RNF216: variants seen among roughly 807,000 people sequenced by gnomAD.
RNF216 encodes ring finger protein 216.
In RNF216, 72 loss-of-function variants were observed where a neutral mutation model predicts 110.8. That is an observed-to-expected ratio of 0.65 (90% confidence interval 0.54 to 0.79). The LOEUF is 0.79. Among genes scored for constraint, RNF216 ranks in the 30% least tolerant of loss-of-function variants. RNF216 has a pLI of 0.00. For synonymous variants in RNF216, 495 were observed against 407.5 expected (o/e 1.21, Z -2.59); for missense variants, 1,342 against 1,141.2 (o/e 1.18, Z -2.54).
chr7:5,760,377 G>A (rs188651853), intron 2 of RNF216: 232 of 302,998 alleles, frequency 7.7e-4, no homozygotes, highest in Non-Finnish European at 1.3e-3. Context: ...TTAGCAGGGC[G>A]TAGTGGCACA....
At chr7:5,761,855 G>C (rs569933942) in intron 1 of RNF216, among the ~76,000 whole-genome samples, 1 of 152,182 alleles carries the variant, frequency 6.6e-6, no homozygotes, top group African/African-American at 2.4e-5. Context: ...TAAGACATGG[G>C]AAATCATCTT....
At chr7:5,773,682 C>T (rs1224767609) in intron 1 of RNF216, among the ~76,000 whole-genome samples, 1 of 152,214 alleles carries the variant, frequency 6.6e-6, no homozygotes, top group African/African-American at 2.4e-5. Context: ...ATTCTCCTGC[C>T]TCAGCCTCCC....
intron 13 of RNF216, among the ~76,000 whole-genome samples, chr7:5,660,673 G>T (rs905937049): frequency 1.3e-5 from 2 of 151,920 alleles, no homozygotes; most frequent in Non-Finnish European, 2.9e-5. Context: ...GACCTCCCTG[G>T]CTCAAGCGAT....
intron 2 of RNF216, among the ~76,000 whole-genome samples, chr7:5,759,722 C>T (rs546955053): frequency 2.7e-5 from 4 of 148,864 alleles, no homozygotes; most frequent in Non-Finnish European, 5.9e-5. Flanking sequence ...ACCTCTGCCT[C>T]CCAGGTTCAA....
intron 13 of RNF216, among the ~76,000 whole-genome samples, chr7:5,685,314 T>C (rs1006402030): frequency 6.6e-6 from 1 of 152,160 alleles, no homozygotes; most frequent in African/African-American, 2.4e-5. Context: ...CAGAATTCCA[T>C]GAATAAAACG....
At chr7:5,663,528 G>C (rs1250256483) in intron 13 of RNF216, among the ~76,000 whole-genome samples, 1 of 146,848 alleles carries the variant, frequency 6.8e-6, no homozygotes, top group Non-Finnish European at 1.5e-5. Flanking sequence ...AGCTTGCAGT[G>C]AGCTGAGATT....
chr7:5,688,750 C>G (rs562338837), intron 13 of RNF216, among the ~76,000 whole-genome samples: 9 of 152,144 alleles, frequency 5.9e-5, no homozygotes, highest in African/African-American at 2.2e-4. Flanking sequence ...ACTGGGATAT[C>G]TGTAAAACTG....
chr7:5,659,296 C>G (rs143720165), intron 13 of RNF216, among the ~76,000 whole-genome samples: 71 of 152,274 alleles, frequency 4.7e-4, no homozygotes, highest in African/African-American at 1.7e-3. Context: ...ATGACATTTA[C>G]GTTTTACTGA....
chr7:5,693,844 G>A (rs766136201), intron 13 of RNF216, among the ~76,000 whole-genome samples: 2 of 152,076 alleles, frequency 1.3e-5, no homozygotes, highest in African/African-American at 2.4e-5. Flanking sequence ...AGATGGACGC[G>A]GGTAGAGACT....
intron 1 of RNF216, among the ~76,000 whole-genome samples, chr7:5,772,155 C>T (rs1365036644): frequency 1.3e-5 from 2 of 152,146 alleles, no homozygotes; most frequent in Non-Finnish European, 2.9e-5. Flanking sequence ...ATCGTTTGAA[C>T]CCGGGAGGTG....
chr7:5,683,910 G>A (rs920248694), intron 13 of RNF216, among the ~76,000 whole-genome samples: 3 of 152,088 alleles, frequency 2.0e-5, no homozygotes, highest in African/African-American at 7.2e-5. Flanking sequence ...CCTGCACAGA[G>A]AATAGGGACG....
chr7:5,671,926 G>C (rs1274292703), intron 13 of RNF216, among the ~76,000 whole-genome samples: 1 of 151,234 alleles, frequency 6.6e-6, no homozygotes, highest in Non-Finnish European at 1.5e-5. Context: ...GGCCTCACAA[G>C]AAACGAAATC....
intron 3 of RNF216, among the ~76,000 whole-genome samples, chr7:5,744,997 C>G (rs1794958744): frequency 6.6e-6 from 1 of 151,736 alleles, no homozygotes; most frequent in South Asian, 2.1e-4. Context: ...AAAAAGAAAA[C>G]TTCTAAACTT....
At chr7:5,690,052 C>T (rs797015388) in intron 13 of RNF216, among the ~76,000 whole-genome samples, 82 of 151,798 alleles carry the variant, frequency 5.4e-4, no homozygotes, top group African/African-American at 1.7e-3. Flanking sequence ...TGGCCAGGCG[C>T]GGTGGGTGGC....
chr7:5,715,435 G>A (rs1166262287), intron 10 of RNF216, among the ~76,000 whole-genome samples: 1 of 152,196 alleles, frequency 6.6e-6, no homozygotes, highest in East Asian at 1.9e-4. Flanking sequence ...ATTCTTTAGA[G>A]TAATTCTTTA....
At chr7:5,760,550 G>A (rs537576821) in intron 2 of RNF216, 9 of 299,730 alleles carry the variant, frequency 3.0e-5, no homozygotes, top group Admixed American at 8.6e-5. Context: ...CAAAACTGTA[G>A]AACAAAAAAA....
chr7:5,729,545 G>A lies in RNF216; in HGVS notation c.1276C>T (p.Arg426Cys), dbSNP rs777995180. The change falls in exon 7 of 17, where the codon CGC becomes TGC. Residue 426 changes from arginine to cysteine, a missense_variant. Arg to Cys is a radical substitution (Grantham distance 180, BLOSUM62 -3). Transcript: ENST00000389902. ...DYSKLTPLDQRCFIQAADLLM... is the reference protein window; with the variant it reads ...DYSKLTPLDQCCFIQAADLLM... ...AGGTCAGCAGCTTGGATGAAGCAGC[G>A]CTGGTCAAGAGGGGTCAATTTAGAA... 14 of 1,614,078 alleles carry A rather than the reference G, an allele frequency of 8.7e-6. No individual in the cohort carries two copies. Among genetic ancestry groups the A allele is most frequent in the East Asian group, 2.2e-5 (1 of 44,886 alleles).
intron 15 of RNF216, among the ~76,000 whole-genome samples, chr7:5,627,163 G>T (rs1347480986): frequency 6.6e-6 from 1 of 152,194 alleles, no homozygotes; most frequent in Non-Finnish European, 1.5e-5. Flanking sequence ...TGAGGTCCCT[G>T]AGAAAGTACC....
Position 5,752,932 on chromosome 7 carries a change from C to A in RNF216, c.115G>T (p.Asp39Tyr), listed in dbSNP as rs766348616. Reference protein sequence around the residue: ...DGPITISDSSDEERIPMLVTP... With the variant: ...DGPITISDSSYEERIPMLVTP... ...ACCAGCATTGGAATCCTTTCCTCAT[C>A]TGAGGAGTCAGATATGGTGATGGGC... The change falls in exon 3 of 17, where the codon GAT (aspartate) becomes TAT (tyrosine). Residue 39 changes from aspartate to tyrosine, a missense_variant. Physicochemically the swap from Asp to Tyr is radical, Grantham distance 160 (BLOSUM62 -3). Coordinates refer to ENST00000389902, the MANE Select transcript of RNF216 (RefSeq NM_207111.4). The A allele has an allele frequency of 1.2e-6, 2 of 1,611,680 alleles. No individual in the cohort carries two copies. Among genetic ancestry groups the A allele is most frequent in the Non-Finnish European group, 1.7e-6 (2 of 1,178,964 alleles).
Sources: allele counts gnomAD v4.1 joint callset (sites outside exome capture counted in the v4.1 genomes callset), GRCh38; gene constraint gnomAD v4.1.1; transcripts MANE v1.5; gene names NCBI Gene and HGNC (gene_info 2026-07-23, HGNC 2026-07-21).